The following ADAM22 variants were observed in gnomAD, a reference collection of about 807,000 sequenced individuals.
The protein encoded by ADAM22 is disintegrin and metalloproteinase domain-containing protein 22.
Under a neutral mutation model 144.6 loss-of-function variants are expected in ADAM22, and 65 were observed. The ratio of observed to expected loss-of-function variants is 0.45; its 90% CI spans 0.37 to 0.55. The LOEUF (loss-of-function observed/expected upper bound fraction) is 0.55. Among genes scored for constraint, ADAM22 ranks in the 20% least tolerant of loss-of-function variants. ADAM22 has a pLI of 0.00. For missense variants in ADAM22, 974 were observed against 1,184.9 expected, an observed-to-expected ratio of 0.82 and a Z score of 2.61; for synonymous variants, 391 against 412.6, an observed-to-expected ratio of 0.95 and a Z score of 0.63.
intron 2 of ADAM22, among the ~76,000 whole-genome samples, chr7:87,963,517 T>A (rs969688091): frequency 6.6e-6 from 1 of 152,128 alleles, no homozygotes; most frequent in South Asian, 2.1e-4. Flanking sequence ...AATCAAGATA[T>A]CTTGTAGGAA....
chr7:88,115,494 T>C (rs1397037498), intron 6 of ADAM22, among the ~76,000 whole-genome samples: 1 of 152,184 alleles, frequency 6.6e-6, no homozygotes, highest in African/African-American at 2.4e-5. Context: ...TGCAGATGGC[T>C]GCCTTCTCAC....
intron 3 of ADAM22, among the ~76,000 whole-genome samples, chr7:88,017,240 T>A (rs1461474987): frequency 6.6e-6 from 1 of 152,196 alleles, no homozygotes; most frequent in Non-Finnish European, 1.5e-5. Flanking sequence ...GATAATTTAT[T>A]GTATATTTTG....
At chr7:88,001,552 G>T (rs1036642143) in intron 3 of ADAM22, among the ~76,000 whole-genome samples, 1 of 152,060 alleles carries the variant, frequency 6.6e-6, no homozygotes, top group South Asian at 2.1e-4. Context: ...TAGAGATCTG[G>T]TATATCATTG....
chr7:88,036,855 A>G (rs755272899), intron 3 of ADAM22, among the ~76,000 whole-genome samples: 1 of 152,116 alleles, frequency 6.6e-6, no homozygotes, highest in Non-Finnish European at 1.5e-5. Context: ...TTTGAAGAAA[A>G]CAGTTGGCTT....
chr7:88,035,834 C>T (rs967327597), intron 3 of ADAM22, among the ~76,000 whole-genome samples: 1 of 152,144 alleles, frequency 6.6e-6, no homozygotes, highest in African/African-American at 2.4e-5. Flanking sequence ...TGATTTTAGT[C>T]GTGTCAGAAA....
chr7:87,999,222 A>G, intron 3 of ADAM22, among the ~76,000 whole-genome samples: 1 of 152,234 alleles, frequency 6.6e-6, no homozygotes, highest in East Asian at 1.9e-4. Flanking sequence ...CATTATTTTA[A>G]AGATTCAGAA....
chr7:88,045,822 T>C (rs904274516), intron 3 of ADAM22, among the ~76,000 whole-genome samples: 1 of 152,018 alleles, frequency 6.6e-6, no homozygotes, highest in African/African-American at 2.4e-5. Flanking sequence ...TATAATGTCC[T>C]CCAGGTTCAT....
chr7:88,133,021 T>G (rs1832173949), intron 12 of ADAM22, 70 bp downstream of exon 12: 2 of 1,405,100 alleles, frequency 1.4e-6, no homozygotes, highest in Non-Finnish European at 2.0e-6. Flanking sequence ...ACTTAAGAGA[T>G]AATTTCTCAG....
intron 4 of ADAM22, among the ~76,000 whole-genome samples, chr7:88,086,141 A>C (rs1001940558): frequency 6.6e-6 from 1 of 152,198 alleles, no homozygotes; most frequent in South Asian, 2.1e-4. Flanking sequence ...GCGCCACTGC[A>C]CTCCAGCCTG....
At chr7:87,955,299 C>G (rs1205913583) in intron 2 of ADAM22, among the ~76,000 whole-genome samples, 2 of 152,144 alleles carry the variant, frequency 1.3e-5, no homozygotes, top group African/African-American at 4.8e-5. Flanking sequence ...TGGTGATGTA[C>G]AGATGGGTTT....
chr7:88,028,785 G>A (rs1028029193), intron 3 of ADAM22, among the ~76,000 whole-genome samples: 5 of 151,852 alleles, frequency 3.3e-5, no homozygotes, highest in African/African-American at 1.2e-4. Flanking sequence ...TGTAGTGTTT[G>A]TCTTGAAATC....
rs535674943 is a variant in ADAM22 at position 87,960,927 on chromosome 7, A to T, written c.247-17409A>T. On this transcript the variant is annotated intron_variant, in intron 2 of 31. Coordinates refer to ENST00000413139, the MANE Select transcript of ADAM22 (RefSeq NM_001324418.2). ...TGTGGCACTGTTCTGTGCCTTTGGGATACATCAGTGAATAATAAAAAAAAT... is the reference window on the plus strand; with the variant it reads ...TGTGGCACTGTTCTGTGCCTTTGGGTTACATCAGTGAATAATAAAAAAAAT... 2.0e-5 allele frequency among the ~76,000 whole-genome samples: 3 copies of T among 152,290 alleles called. No individual in the cohort carries two copies. The South Asian group carries it at 6.2e-4, about 32-fold the overall frequency.
chr7:88,095,133 A>G (rs1427981658), intron 4 of ADAM22, among the ~76,000 whole-genome samples: 1 of 152,210 alleles, frequency 6.6e-6, no homozygotes, highest in Admixed American at 6.6e-5. Context: ...GCTTCTACCC[A>G]TTCTTACTGC....
At chr7:88,080,164 A>G (rs1563170040) in intron 4 of ADAM22, among the ~76,000 whole-genome samples, 1 of 152,252 alleles carries the variant, frequency 6.6e-6, no homozygotes, top group Non-Finnish European at 1.5e-5. Context: ...CCACAGTGCA[A>G]TCAAACCAGA....
rs745851028 is a variant in ADAM22 at position 87,934,418 on chromosome 7, G to C, written c.-48G>C. ...CGAGGGAAACGGACTCGGCGGCGCCGGCATGAGGAGCTGAGCGTCTCGGGC... is the reference window on the plus strand; with the variant it reads ...CGAGGGAAACGGACTCGGCGGCGCCCGCATGAGGAGCTGAGCGTCTCGGGC... On this transcript the variant is annotated 5_prime_UTR_variant, in exon 1 of 32. Coordinates refer to ENST00000413139, the MANE Select transcript of ADAM22 (RefSeq NM_001324418.2). The C allele has an allele frequency of 3.9e-6, 6 of 1,541,686 alleles. No homozygotes were observed. Among genetic ancestry groups the C allele is most frequent in the Middle Eastern group, 2.1e-4 (1 of 4,752 alleles).
Position 87,982,066 on chromosome 7 carries a change from T to TACACAC in ADAM22, c.323+3655_323+3656insCACACA, listed in dbSNP as rs376989136. ...TTTCATATATATATATATATATATA[T>TACACAC]ATACACACACACACACACACACACA... On this transcript the variant is annotated intron_variant, in intron 3 of 31. Coordinates refer to ENST00000413139, the MANE Select transcript of ADAM22 (RefSeq NM_001324418.2). Among the ~76,000 whole-genome samples, 166 of 86,444 alleles carry TACACAC rather than the reference T, an allele frequency of 1.9e-3. 1 individual carries two copies. The highest frequency in any genetic ancestry group is 0.013 in the East Asian group (32 of 2,530). 56.7% of individuals were successfully genotyped at this position (86,444 alleles called of 152,430 possible). A position where few individuals can be genotyped will look rare whatever the true frequency, so the allele number is the denominator to read the frequency against.
chr7:87,969,245 G>A (rs545272694), intron 2 of ADAM22, among the ~76,000 whole-genome samples: 135 of 152,240 alleles, frequency 8.9e-4, no homozygotes, highest in African/African-American at 3.1e-3. Flanking sequence ...AACATATAGC[G>A]TGCCTTGTAA....
intron 5 of ADAM22, among the ~76,000 whole-genome samples, chr7:88,111,788 AAC>A (rs1292130213): frequency 5.3e-5 from 8 of 152,166 alleles, no homozygotes; most frequent in Non-Finnish European, 1.2e-4. Context: ...AAGCATATAA[AAC>A]ACATGTATTT....
At chr7:88,187,830 G>T (rs764580785) in intron 30 of ADAM22, among the ~76,000 whole-genome samples, 10 of 152,046 alleles carry the variant, frequency 6.6e-5, no homozygotes, top group South Asian at 2.1e-4. Context: ...AGACCTACCT[G>T]CCTTTTAATT....
Sources: allele counts gnomAD v4.1 joint callset (sites outside exome capture counted in the v4.1 genomes callset), GRCh38; gene constraint gnomAD v4.1.1; transcripts MANE v1.5; gene names NCBI Gene and HGNC (gene_info 2026-07-23, HGNC 2026-07-21).